SLAIN1: variants seen among roughly 807,000 people sequenced by gnomAD.
SLAIN1 encodes SLAIN family member 1.
A neutral mutation model predicts 55.4 loss-of-function variants in SLAIN1; 17 were observed. The ratio of observed to expected loss-of-function variants is 0.31; its 90% CI spans 0.21 to 0.46. The LOEUF is 0.46. SLAIN1 is among the 20% of genes least tolerant of loss of function. The pLI is 1.00. For synonymous variants in SLAIN1, 348 were observed against 337.4 expected (o/e 1.03, Z -0.35); for missense variants, 682 against 785.1 (o/e 0.87, Z 1.57).
intron 1 of SLAIN1, among the ~76,000 whole-genome samples, chr13:77,705,336 A>C (rs1360693896): frequency 1.3e-5 from 2 of 151,942 alleles, no homozygotes; most frequent in Non-Finnish European, 2.9e-5. Context: ...GTTTGGAAGC[A>C]ATTTAAGAAA....
chr13:77,732,186 A>T (rs1872905990), intron 2 of SLAIN1, among the ~76,000 whole-genome samples: 1 of 152,118 alleles, frequency 6.6e-6, no homozygotes, highest in Non-Finnish European at 1.5e-5. Context: ...GGGAGGAAGG[A>T]TTATACAAAT....
chr13:77,741,256 A>G (rs1873416107), intron 2 of SLAIN1: 4 of 987,114 alleles, frequency 4.1e-6, no homozygotes, highest in Non-Finnish European at 4.8e-6. Context: ...TAAAATATAG[A>G]ATTTTTAATG....
At chr13:77,739,034 T>G (rs1873278004) in intron 2 of SLAIN1, among the ~76,000 whole-genome samples, 1 of 152,084 alleles carries the variant, frequency 6.6e-6, no homozygotes. Context: ...TAGTGTCACC[T>G]GTTTAACCAC....
chr13:77,727,446 AAAC>A (rs920523784), intron 2 of SLAIN1, among the ~76,000 whole-genome samples: 14 of 151,492 alleles, frequency 9.2e-5, no homozygotes, highest in African/African-American at 3.2e-4. Flanking sequence ...GCAAAAAAAA[AAAC>A]AAAACAATTT....
chr13:77,743,942 A>G (rs112312915), intron 2 of SLAIN1, among the ~76,000 whole-genome samples: 2 of 152,202 alleles, frequency 1.3e-5, no homozygotes, highest in African/African-American at 4.8e-5. Context: ...TCATGCCTTT[A>G]GATATATACA....
At chr13:77,741,293 C>T in intron 2 of SLAIN1, 1 of 987,404 alleles carries the variant, frequency 1.0e-6, no homozygotes, top group Non-Finnish European at 1.2e-6. Flanking sequence ...AGAGATTGAA[C>T]ATGTGAGAAC....
rs188667538 is a variant in SLAIN1 at position 77,730,915 on chromosome 13, A to G, written c.766+11244A>G. Among the ~76,000 whole-genome samples, 15 of 152,288 alleles carry G rather than the reference A, an allele frequency of 9.8e-5. No individual in the cohort carries two copies. The East Asian group carries it at 2.3e-3, about 24-fold the overall frequency. On this transcript the variant is annotated intron_variant, in intron 2 of 6. Coordinates refer to ENST00000418532, the MANE Select transcript of SLAIN1 (RefSeq NM_001242868.2). ...GTTTTTTGGTCATTTTTAATTTCTT[A>G]GACATATTGAAGGAAGAATGGACAG...
chr13:77,751,828 T>C (rs922933038), intron 4 of SLAIN1, among the ~76,000 whole-genome samples: 2 of 152,134 alleles, frequency 1.3e-5, no homozygotes, highest in East Asian at 1.9e-4. Flanking sequence ...ATCGAGTACT[T>C]GAATTAGTTT....
chr13:77,741,342 G>A (rs1220532202), intron 2 of SLAIN1: 1 of 987,298 alleles, frequency 1.0e-6, no homozygotes, highest in African/African-American at 1.7e-5. Context: ...CCCCTAGTTT[G>A]TAGTGTATTC....
chr13:77,744,471 C>G (rs1873681561), intron 3 of SLAIN1, 39 bp downstream of exon 3: 1 of 1,603,842 alleles, frequency 6.2e-7, no homozygotes, highest in Non-Finnish European at 8.5e-7. Flanking sequence ...GAGGCTTCCA[C>G]TTGGAATATA....
In SLAIN1 at chr13:77,746,801, T is replaced by C. The variant is rs1873852895; in HGVS notation, c.1204T>C (p.Tyr402His). ...FPSNNYQQQQ[Y>H]YSPQAQTPDQ... ...TTCAAATAATTACCAGCAGCAACAGTATTATTCACCTCAAGCCCAAACTCC... is the reference window on the plus strand; with the variant it reads ...TTCAAATAATTACCAGCAGCAACAGCATTATTCACCTCAAGCCCAAACTCC... The change falls in exon 4 of 7, where the codon TAT (tyrosine) becomes CAT (histidine). Residue 402 changes from tyrosine to histidine, a missense_variant. Physicochemically the swap from Tyr to His is moderately conservative, Grantham distance 83. Transcript: ENST00000418532. The C allele has an allele frequency of 6.2e-7, 1 of 1,613,792 alleles. No homozygotes were observed. The highest frequency in any genetic ancestry group is 8.5e-7 in the Non-Finnish European group (1 of 1,179,802).
Position 77,698,222 on chromosome 13 carries a change from C to A in SLAIN1, c.309C>A (p.Gly103=), listed in dbSNP as rs1236834051. ...GCCTGGGGCTCGGGCTGGCGCTGGG[C>A]GCGGGGGGCGGTGGCGGCAGCGGTA... The part of the protein sequence containing the change: ...SGGLGLGLAL[G]AGGGGGSGSG... Residue 103 remains glycine (G), a synonymous_variant, in exon 1 of 7, where the codon GGC becomes GGA. Transcript: ENST00000418532. This position sits in a 1 kb window ranked among gnomAD's most constrained non-coding sequence, Gnocchi z 4.1. 7.6e-7 allele frequency: 1 copy of A among 1,310,700 alleles called. No homozygotes were observed. Among genetic ancestry groups the A allele is most frequent in the Non-Finnish European group, 9.7e-7 (1 of 1,028,486 alleles). 81.2% of individuals were successfully genotyped at this position (1,310,700 alleles called of 1,614,324 possible).
At chr13:77,722,706 G>T (rs2091273294) in intron 2 of SLAIN1, among the ~76,000 whole-genome samples, 1 of 152,110 alleles carries the variant, frequency 6.6e-6, no homozygotes, top group Admixed American at 6.6e-5. Flanking sequence ...ATGATAGAAA[G>T]TTATATTCAA....
At chr13:77,762,019 A>G (rs1247038840) in intron 6 of SLAIN1, among the ~76,000 whole-genome samples, 1 of 152,240 alleles carries the variant, frequency 6.6e-6, no homozygotes, top group Non-Finnish European at 1.5e-5. Flanking sequence ...ATATATAAAT[A>G]GTTTTATTTT....
At chr13:77,714,338 A>G (rs574265920) in intron 1 of SLAIN1, among the ~76,000 whole-genome samples, 1 of 152,282 alleles carries the variant, frequency 6.6e-6, no homozygotes, top group African/African-American at 2.4e-5. Flanking sequence ...AGTACTGGTC[A>G]TGGTGGGTCA....
intron 2 of SLAIN1, among the ~76,000 whole-genome samples, chr13:77,733,448 A>G (rs534406034): frequency 6.6e-6 from 1 of 152,168 alleles, no homozygotes; most frequent in Admixed American, 6.6e-5. Flanking sequence ...TCCTGGTATC[A>G]TAGGTACTCA....
chr13:77,702,934 ACT>A (rs2091045443), intron 1 of SLAIN1, among the ~76,000 whole-genome samples: 1 of 152,272 alleles, frequency 6.6e-6, no homozygotes, highest in Non-Finnish European at 1.5e-5. Context: ...AGTTAACAAA[ACT>A]CTATACTGTT....
At chr13:77,760,386 A>T (rs1236949067) in intron 5 of SLAIN1, among the ~76,000 whole-genome samples, 2 of 152,336 alleles carry the variant, frequency 1.3e-5, no homozygotes, top group East Asian at 3.9e-4. Flanking sequence ...ATATATCTGT[A>T]ATAAACTGTT....
At chr13:77,760,107 A>C (rs919068453) in intron 5 of SLAIN1, among the ~76,000 whole-genome samples, 1 of 152,186 alleles carries the variant, frequency 6.6e-6, no homozygotes, top group Non-Finnish European at 1.5e-5. Context: ...GTTAGTATGT[A>C]AGCAGAATTC....
Sources: gnomAD v4.1 joint callset for allele counts (sites outside exome capture counted in the v4.1 genomes callset) on GRCh38, gnomAD v4.1.1 for gene constraint, Gnocchi (gnomAD v3.1) non-coding constraint, MANE v1.5 for transcripts, NCBI Gene and HGNC (gene_info 2026-07-23, HGNC 2026-07-21) for gene names.